The following RAPGEF1 variants were observed in gnomAD, a reference collection of about 807,000 sequenced individuals.
RAPGEF1 encodes CRK SH3-binding GNRP.
Under a neutral mutation model 143.3 loss-of-function variants are expected in RAPGEF1, and 33 were observed. The observed-to-expected ratio is 0.23, with a 90% CI of 0.17 to 0.31. The LOEUF (loss-of-function observed/expected upper bound fraction) is 0.31. RAPGEF1 is among the 10% of genes least tolerant of loss of function. The probability of loss-of-function intolerance (pLI) is 1.00; values close to 1 mark genes in which losing one functional copy is unlikely to be tolerated. For missense variants in RAPGEF1, 1,199 were observed against 1,645.4 expected, an observed-to-expected ratio of 0.73 and a Z score of 4.69; for synonymous variants, 629 against 676.5, an observed-to-expected ratio of 0.93 and a Z score of 1.09.
chr9:131,737,272 G>T, intron 1 of RAPGEF1: 1 of 1,445,872 alleles, frequency 6.9e-7, no homozygotes. Flanking sequence ...CTCCTGGTCA[G>T]CCCCTTCCCC....
At chr9:131,580,155 C>T (rs1951647254) in intron 26 of RAPGEF1, 108 bp downstream of exon 26, 1 of 1,423,036 alleles carries the variant, frequency 7.0e-7, no homozygotes, top group Non-Finnish European at 9.5e-7. Context: ...AGTGGCAGGT[C>T]CCTGGGTCCT....
chr9:131,652,314 G>GATCACAGCTC (rs1365405149), intron 1 of RAPGEF1, among the ~76,000 whole-genome samples: 1 of 152,062 alleles, frequency 6.6e-6, no homozygotes, highest in Non-Finnish European at 1.5e-5. Flanking sequence ...GCAGTGGTGT[G>GATCACAGCTC]ATCACAGCTC....
intron 1 of RAPGEF1, among the ~76,000 whole-genome samples, chr9:131,661,106 C>A (rs1268147827): frequency 6.6e-6 from 1 of 152,230 alleles, no homozygotes; most frequent in Admixed American, 6.5e-5. Context: ...CAGCCACCCA[C>A]TATGGCTGAA....
Position 131,739,921 on chromosome 9 carries a change from G to T in RAPGEF1, c.-91C>A. Reference sequence around the variant, plus strand: ...CTCGCCACGCCTCAGACCCGCGCCGGCATGGCGGGCTCCGCGCGGCCGCGG... The same window carrying T: ...CTCGCCACGCCTCAGACCCGCGCCGTCATGGCGGGCTCCGCGCGGCCGCGG... On this transcript the variant is annotated 5_prime_UTR_variant, in exon 1 of 27. Coordinates refer to ENST00000683357, the MANE Select transcript of RAPGEF1 (RefSeq NM_001377935.1). 1.3e-6 allele frequency: 1 copy of T among 750,180 alleles called. No individual in the cohort carries two copies. Among genetic ancestry groups the T allele is most frequent in the Non-Finnish European group, 1.6e-6 (1 of 618,114 alleles). The allele number at this position is 750,180 out of a possible 1,614,324, so 46.5% of individuals were successfully genotyped here.
At chr9:131,638,836 A>C in intron 4 of RAPGEF1, 45 bp from the exon 5 acceptor site, 1 of 1,573,830 alleles carries the variant, frequency 6.4e-7, no homozygotes, top group Non-Finnish European at 8.7e-7. Context: ...CTAAAGCATG[A>C]CCATCACTTA....
At chr9:131,651,092 C>T in intron 1 of RAPGEF1, 143 bp from the exon 2 acceptor site, 1 of 1,038,870 alleles carries the variant, frequency 9.6e-7, no homozygotes, top group African/African-American at 1.6e-5. Context: ...CGTATGGATC[C>T]ATTACAAAAC....
intron 17 of RAPGEF1, 49 bp downstream of exon 17, chr9:131,596,249 C>A: frequency 1.9e-6 from 3 of 1,577,800 alleles, no homozygotes. Flanking sequence ...GGCCGAGTGG[C>A]ACCCGGGGCA....
At chr9:131,597,089 C>G (rs1331291913) in intron 16 of RAPGEF1, among the ~76,000 whole-genome samples, 2 of 152,202 alleles carry the variant, frequency 1.3e-5, no homozygotes, top group East Asian at 3.8e-4. Context: ...GAACAGAGGT[C>G]CAGGACAACC....
chr9:131,735,341 T>C (rs1837347109), intron 1 of RAPGEF1, among the ~76,000 whole-genome samples: 1 of 152,228 alleles, frequency 6.6e-6, no homozygotes, highest in Non-Finnish European at 1.5e-5. Context: ...CCCAGCTAAG[T>C]GGACCCATCC....
chr9:131,634,181 A>T (rs1321660353), intron 5 of RAPGEF1, among the ~76,000 whole-genome samples: 2 of 152,110 alleles, frequency 1.3e-5, no homozygotes, highest in African/African-American at 4.8e-5. Flanking sequence ...TGAATCCAGA[A>T]GGCGGAGGTT....
chr9:131,671,075 C>T (rs992988698), intron 1 of RAPGEF1, among the ~76,000 whole-genome samples: 3 of 152,212 alleles, frequency 2.0e-5, no homozygotes, highest in African/African-American at 7.2e-5. Flanking sequence ...CCACACTGTC[C>T]GGGGAATGCC....
chr9:131,738,874 C>A (rs1296840129), intron 1 of RAPGEF1, among the ~76,000 whole-genome samples: 2 of 152,196 alleles, frequency 1.3e-5, no homozygotes, highest in East Asian at 3.8e-4. Context: ...CACAGACCTC[C>A]TTTGCAGCTC....
At chr9:131,715,656 G>C (rs1421574878) in intron 1 of RAPGEF1, among the ~76,000 whole-genome samples, 2 of 151,956 alleles carry the variant, frequency 1.3e-5, no homozygotes, top group Non-Finnish European at 2.9e-5. Context: ...ACAAGGTCAG[G>C]AGATAGAGAC....
chr9:131,628,492 C>T lies in RAPGEF1; in HGVS notation c.1017+57G>A. Reference sequence around the variant, plus strand: ...TTTCTTTCAGCTTCAGGAGCCACATCCCTGAGCCCCCCACCCCCTCCCTGC... The same window carrying T: ...TTTCTTTCAGCTTCAGGAGCCACATTCCTGAGCCCCCCACCCCCTCCCTGC... On this transcript the variant is annotated intron_variant, in intron 8 of 26. Transcript: ENST00000683357. This position sits in a 1 kb window ranked among gnomAD's most constrained non-coding sequence, Gnocchi z 5.7. 1 of 1,593,174 alleles carries T rather than the reference C, an allele frequency of 6.3e-7. No individual in the cohort carries two copies. The highest frequency in any genetic ancestry group is 8.6e-7 in the Non-Finnish European group (1 of 1,166,906).
intron 1 of RAPGEF1, among the ~76,000 whole-genome samples, chr9:131,733,188 C>G (rs1377355065): frequency 6.6e-6 from 1 of 152,030 alleles, no homozygotes; most frequent in African/African-American, 2.4e-5. Context: ...TAGTGGTTAC[C>G]TAATGGCCTT....
At chr9:131,607,762 C>T (rs35840568) in intron 12 of RAPGEF1, among the ~76,000 whole-genome samples, 34,187 of 152,086 alleles carry the variant, frequency 0.22, 4,619 homozygotes, top group Non-Finnish European at 0.3. Context: ...AGTCATGTTC[C>T]GCGCTGACTC....
At chr9:131,711,726 A>G (rs1377950895) in intron 1 of RAPGEF1, among the ~76,000 whole-genome samples, 1 of 152,236 alleles carries the variant, frequency 6.6e-6, no homozygotes, top group African/African-American at 2.4e-5. Context: ...GCTTCGGTCA[A>G]TTTAGTCAAA....
intron 1 of RAPGEF1, among the ~76,000 whole-genome samples, chr9:131,659,352 T>C (rs1264256608): frequency 6.6e-6 from 1 of 152,066 alleles, no homozygotes; most frequent in Non-Finnish European, 1.5e-5. Flanking sequence ...TATTTATTTA[T>C]TTTATCTTGA....
At chr9:131,710,015 G>C (rs571252012) in intron 1 of RAPGEF1, 3 of 904,198 alleles carry the variant, frequency 3.3e-6, no homozygotes, top group Non-Finnish European at 4.0e-6. Flanking sequence ...ACAGCGGCTT[G>C]CAAGATGAAT....
Sources: allele counts gnomAD v4.1 joint callset (sites outside exome capture counted in the v4.1 genomes callset), GRCh38; gene constraint gnomAD v4.1.1; non-coding constraint Gnocchi (gnomAD v3.1); transcripts MANE v1.5; gene names NCBI Gene and HGNC (gene_info 2026-07-23, HGNC 2026-07-21).